The following DEPTOR variants were observed in gnomAD, a reference collection of about 807,000 sequenced individuals.
DEPTOR encodes DEP domain containing MTOR interacting protein, also known as DEP domain-containing mTOR-interacting protein.
In DEPTOR, 41 loss-of-function variants were observed where a neutral mutation model predicts 41.6. That is an observed-to-expected ratio of 0.98 (90% CI 0.77 to 1.28). The LOEUF (loss-of-function observed/expected upper bound fraction) is 1.28. Among genes scored for constraint, DEPTOR ranks in the 50% most tolerant of loss-of-function variants. The pLI is 0.00. For missense variants in DEPTOR, 514 were observed against 527.9 expected, an observed-to-expected ratio of 0.97 and a Z score of 0.26; for synonymous variants, 195 against 192.3, an observed-to-expected ratio of 1.01 and a Z score of -0.12.
chr8:119,976,671 C>T (rs1199986985), intron 4 of DEPTOR, among the ~76,000 whole-genome samples: 1 of 152,182 alleles, frequency 6.6e-6, no homozygotes, highest in Non-Finnish European at 1.5e-5. Flanking sequence ...CTTCCAGCCA[C>T]CTATGGCCAG....
chr8:119,948,790 T>C (rs189292185), intron 3 of DEPTOR, among the ~76,000 whole-genome samples: 98 of 152,272 alleles, frequency 6.4e-4, no homozygotes, highest in Non-Finnish European at 1.3e-3. Context: ...TTTTAATTTT[T>C]ATTTATTTTT....
At chr8:120,013,802 C>G (rs1586658076) in intron 8 of DEPTOR, among the ~76,000 whole-genome samples, 1 of 150,706 alleles carries the variant, frequency 6.6e-6, no homozygotes, top group African/African-American at 2.4e-5. Context: ...TTTGTGGCCA[C>G]TCCATCCAGT....
intron 4 of DEPTOR, among the ~76,000 whole-genome samples, chr8:119,978,437 G>A (rs1828723602): frequency 6.6e-6 from 1 of 152,092 alleles, no homozygotes; most frequent in South Asian, 2.1e-4. Context: ...TCTCTCTCCT[G>A]GTCAAAGAGT....
chr8:119,949,102 A>G (rs1828319836), intron 3 of DEPTOR, among the ~76,000 whole-genome samples: 1 of 152,210 alleles, frequency 6.6e-6, no homozygotes, highest in South Asian at 2.1e-4. Flanking sequence ...CTGTATTTTG[A>G]TAATTTTATA....
At chr8:120,031,949 G>T (rs1812898281) in intron 8 of DEPTOR, among the ~76,000 whole-genome samples, 1 of 152,118 alleles carries the variant, frequency 6.6e-6, no homozygotes, top group Non-Finnish European at 1.5e-5. Flanking sequence ...CTGGTGGTGA[G>T]CTGAGGCTTC....
chr8:119,958,584 C>A (rs949916525), intron 3 of DEPTOR, among the ~76,000 whole-genome samples: 21 of 152,102 alleles, frequency 1.4e-4, no homozygotes, highest in Middle Eastern at 3.4e-3. Context: ...GAGTTTGAGA[C>A]CAGCCTGAAC....
At chr8:119,938,698 G>C (rs966357536) in intron 3 of DEPTOR, among the ~76,000 whole-genome samples, 3 of 152,006 alleles carry the variant, frequency 2.0e-5, no homozygotes, top group African/African-American at 7.3e-5. Context: ...TTTCAGTAGA[G>C]AGCGTTTTGC....
intron 6 of DEPTOR, among the ~76,000 whole-genome samples, chr8:120,005,754 G>C (rs1052164519): frequency 1.3e-5 from 2 of 152,190 alleles, no homozygotes; most frequent in African/African-American, 4.8e-5. Context: ...AGGATGGATG[G>C]GGGGGTTCAT....
intron 4 of DEPTOR, among the ~76,000 whole-genome samples, chr8:119,974,282 G>T (rs972538842): frequency 3.1e-4 from 41 of 132,526 alleles, no homozygotes; most frequent in Non-Finnish European, 4.9e-4. Context: ...AGGTACTGAT[G>T]ATTGAGGCTA....
intron 4 of DEPTOR, among the ~76,000 whole-genome samples, chr8:119,998,946 GAA>G (rs112650879): frequency 1.2e-4 from 17 of 137,662 alleles, no homozygotes; most frequent in African/African-American, 1.9e-4. Flanking sequence ...TCAAAAATAG[GAA>G]AAAAAAAAAA....
At chr8:119,963,716 G>A (rs144025780) in intron 3 of DEPTOR, among the ~76,000 whole-genome samples, 5 of 152,122 alleles carry the variant, frequency 3.3e-5, no homozygotes, top group African/African-American at 1.2e-4. Context: ...CATCATATAT[G>A]GATGCATAGG....
Position 119,965,298 on chromosome 8 carries a change from C to T in DEPTOR, c.492C>T (p.Thr164=), listed in dbSNP as rs1563978051. ...REEEGVKYER[T]FMASEFLDWL... is the part of the protein sequence containing the mutation. Reference sequence around the variant, plus strand: ...AGGAAGGGGTCAAGTATGAGCGCACCTTCATGGCATCTGAATTCCTGGACT... The same window carrying T: ...AGGAAGGGGTCAAGTATGAGCGCACTTTCATGGCATCTGAATTCCTGGACT... The change falls in exon 4 of 9, where the codon ACC becomes ACT. Residue 164 remains threonine (T), a synonymous_variant. Transcript: ENST00000286234. 6.2e-7 allele frequency: 1 copy of T among 1,614,104 alleles called. No individual in the cohort carries two copies. The highest frequency in any genetic ancestry group is 8.5e-7 in the Non-Finnish European group (1 of 1,180,028).
In DEPTOR at chr8:120,022,342, C is replaced by T. The variant is rs55938828; in HGVS notation, c.1101+13209C>T. Reference sequence around the variant, plus strand: ...AAGTTTGTTTAACGTTTTGTTGACACTAAACATTTTTATTCACAACAGTAG... The same window carrying T: ...AAGTTTGTTTAACGTTTTGTTGACATTAAACATTTTTATTCACAACAGTAG... On this transcript the variant is annotated intron_variant, in intron 8 of 8. Transcript: ENST00000286234. Among the ~76,000 whole-genome samples the T allele has an allele frequency of 2.2e-3, 342 of 152,196 alleles. 1 individual carries two copies. The highest frequency in any genetic ancestry group is 7.9e-3 in the African/African-American group (330 of 41,530).
intron 4 of DEPTOR, 140 bp downstream of exon 4, chr8:119,965,550 T>C: frequency 1.8e-6 from 2 of 1,105,566 alleles, no homozygotes; most frequent in Non-Finnish European, 2.5e-6. Context: ...TGTCTCCAAG[T>C]TGGGGGTCAA....
At chr8:119,966,676 C>T (rs1233279214) in intron 4 of DEPTOR, among the ~76,000 whole-genome samples, 2 of 152,080 alleles carry the variant, frequency 1.3e-5, no homozygotes, top group African/African-American at 4.8e-5. Context: ...AGGGATTTGC[C>T]ATGTTGGCCA....
At chr8:119,969,417 C>T (rs188872495) in intron 4 of DEPTOR, among the ~76,000 whole-genome samples, 5,237 of 149,376 alleles carry the variant, frequency 0.035, 92 homozygotes, top group African/African-American at 0.05. Flanking sequence ...TGCAATGGTG[C>T]GATCTTGGCT....
At chr8:119,916,669 G>A (rs1183893776) in intron 1 of DEPTOR, among the ~76,000 whole-genome samples, 1 of 152,198 alleles carries the variant, frequency 6.6e-6, no homozygotes, top group Non-Finnish European at 1.5e-5. Context: ...TATACAGGTG[G>A]TGGAGGTTCA....
chr8:120,047,738 C>T (rs1243588199), intron 8 of DEPTOR, among the ~76,000 whole-genome samples: 2 of 151,460 alleles, frequency 1.3e-5, no homozygotes, highest in African/African-American at 4.8e-5. Context: ...AGAGGACACA[C>T]AATTGTGGTT....
chr8:119,965,808 T>G (rs1828551487), intron 4 of DEPTOR, among the ~76,000 whole-genome samples: 2 of 152,214 alleles, frequency 1.3e-5, no homozygotes, highest in African/African-American at 4.8e-5. Context: ...AGAAGGTTGG[T>G]TGTTAGAGAA....
Sources: gnomAD v4.1 joint callset for allele counts (sites outside exome capture counted in the v4.1 genomes callset) on GRCh38, gnomAD v4.1.1 for gene constraint, MANE v1.5 for transcripts, NCBI Gene and HGNC (gene_info 2026-07-23, HGNC 2026-07-21) for gene names.